The following CHD2 variants were observed in gnomAD, a reference collection of about 807,000 sequenced individuals.
CHD2 encodes chromodomain helicase DNA binding protein 2.
Under a neutral mutation model 243.9 loss-of-function variants are expected in CHD2, and 28 were observed. The observed-to-expected ratio is 0.11, with a 90% confidence interval of 0.09 to 0.16. CHD2 has a LOEUF of 0.16. Ranked by LOEUF, CHD2 falls within the 10% of genes least tolerant of loss-of-function variation. The pLI is 1.00. For missense variants in CHD2, 1,386 were observed against 2,209.8 expected (o/e 0.63, Z 7.47); for synonymous variants, 775 against 779.0 (o/e 0.99, Z 0.09).
chr15:92,940,948 AATAT>A (rs1596394346), intron 7 of CHD2, among the ~76,000 whole-genome samples: 2 of 130,004 alleles, frequency 1.5e-5, no homozygotes, highest in Non-Finnish European at 3.1e-5. Context: ...AATATATATA[AATAT>A]AAATATATAT....
chr15:92,993,725 T>C (rs1487829973), intron 28 of CHD2, among the ~76,000 whole-genome samples: 1 of 152,180 alleles, frequency 6.6e-6, no homozygotes, highest in African/African-American at 2.4e-5. Context: ...AGAGGATCAC[T>C]TGAGCCCAGG....
chr15:92,951,005 GAC>G (rs1349472529), intron 13 of CHD2, among the ~76,000 whole-genome samples: 1 of 152,018 alleles, frequency 6.6e-6, no homozygotes, highest in Non-Finnish European at 1.5e-5. Context: ...AGGTTAGTGG[GAC>G]CTAATTCATC....
chr15:92,970,359 G>A (rs775788166), intron 17 of CHD2, among the ~76,000 whole-genome samples: 1 of 151,966 alleles, frequency 6.6e-6, no homozygotes, highest in South Asian at 2.1e-4. Flanking sequence ...GCACCAGTAC[G>A]CCCAGCTAAT....
chr15:93,002,992 A>G (rs1283466398), intron 33 of CHD2, among the ~76,000 whole-genome samples: 2 of 152,242 alleles, frequency 1.3e-5, no homozygotes, highest in Non-Finnish European at 2.9e-5. Flanking sequence ...CAAATATAAA[A>G]ATCAGATTAG....
Position 93,020,129 on chromosome 15 carries a change from A to G in CHD2, c.5024A>G (p.Tyr1675Cys). 1 of 1,614,122 alleles carries G rather than the reference A, an allele frequency of 6.2e-7. No homozygotes were observed. Among genetic ancestry groups the G allele is most frequent in the Non-Finnish European group, 8.5e-7 (1 of 1,180,022 alleles). ...YEQHWYKDHH[Y>C]GDRRHMDAHR... ...CAGCACTGGTACAAGGACCACCATT[A>G]TGGGGACCGGCGACATATGGATGCC... is the stretch of plus-strand genomic sequence containing the variant. Residue 1675 changes from tyrosine to cysteine, a missense_variant, in exon 38 of 39, where the codon TAT becomes TGT. By Grantham distance (194) the Tyr-to-Cys change is radical (BLOSUM62 -2). Coordinates refer to ENST00000394196, the MANE Select transcript of CHD2 (RefSeq NM_001271.4).
chr15:93,000,638 A>C lies in CHD2; in HGVS notation c.4135A>C (p.Lys1379Gln), dbSNP rs774998190. The C allele has an allele frequency of 2.5e-6, 4 of 1,610,538 alleles. No individual in the cohort carries two copies. In the South Asian group the frequency reaches 4.4e-5, roughly 18 times the overall value. Reference protein sequence around the residue: ...SDNPSEEGEVKDDGLEKSPMK... With the variant: ...SDNPSEEGEVQDDGLEKSPMK... ...TAATCCATCAGAAGAGGGAGAAGTG[A>C]AAGTATGAAGTGGGGTTTCGGTTGA... is the stretch of plus-strand genomic sequence containing the variant. Residue 1379 changes from lysine (K) to glutamine (Q), a missense_variant and splice_region_variant, in exon 32 of 39, where the codon AAA becomes CAA. Coordinates refer to ENST00000394196, the MANE Select transcript of CHD2 (RefSeq NM_001271.4).
chr15:92,985,189 G>T (rs950320172), intron 25 of CHD2, among the ~76,000 whole-genome samples: 5 of 152,094 alleles, frequency 3.3e-5, no homozygotes, highest in Non-Finnish European at 5.9e-5. Flanking sequence ...GAAAATAAAG[G>T]CACAAAGAGT....
chr15:92,909,486 G>A (rs1463705526), intron 2 of CHD2, among the ~76,000 whole-genome samples: 4 of 152,134 alleles, frequency 2.6e-5, no homozygotes, highest in Admixed American at 2.6e-4. Flanking sequence ...TTTTGTTGTT[G>A]TTGGGACAGA....
chr15:92,929,376 A>AT (rs1031869661), intron 5 of CHD2, among the ~76,000 whole-genome samples: 1 of 152,098 alleles, frequency 6.6e-6, no homozygotes, highest in Non-Finnish European at 1.5e-5. Context: ...TAGCCCATTG[A>AT]TTTTTTTCAG....
chr15:92,987,728 G>A (rs1254585870), intron 26 of CHD2, among the ~76,000 whole-genome samples: 1 of 150,882 alleles, frequency 6.6e-6, no homozygotes, highest in Non-Finnish European at 1.5e-5. Context: ...TTATTATAAA[G>A]TAGGAATTAT....
At chr15:92,941,708 CAACATGCTTTTGGAACCA>C in intron 7 of CHD2, 96 bp from the exon 8 acceptor site, 1 of 1,083,154 alleles carries the variant, frequency 9.2e-7, no homozygotes, top group Non-Finnish European at 1.3e-6. Context: ...ATCTATAAAA[CAACATGCTTTTGGAACCA>C]AAAGGGTATG....
intron 16 of CHD2, among the ~76,000 whole-genome samples, chr15:92,959,316 G>A (rs1231814487): frequency 1.3e-5 from 2 of 152,172 alleles, no homozygotes; most frequent in African/African-American, 2.4e-5. Flanking sequence ...AGTATCACTT[G>A]TTGAAAAGAA....
chr15:92,954,087 A>G (rs956576157), intron 14 of CHD2: 1 of 153,874 alleles, frequency 6.5e-6, no homozygotes, highest in Non-Finnish European at 1.4e-5. Flanking sequence ...TTTGGGCATC[A>G]TGAATTTAGA....
intron 2 of CHD2, among the ~76,000 whole-genome samples, chr15:92,915,724 T>C (rs2052821785): frequency 1.3e-5 from 2 of 152,318 alleles, no homozygotes; most frequent in Non-Finnish European, 2.9e-5. Context: ...TTTTTGATAT[T>C]GTGAAAGGAA....
chr15:92,945,203 T>C (rs973344004), intron 10 of CHD2: 1 of 152,276 alleles, frequency 6.6e-6, no homozygotes, highest in Non-Finnish European at 1.5e-5. Flanking sequence ...ATCTGTGAAT[T>C]TGGCACTGGC....
intron 2 of CHD2, chr15:92,902,902 T>C (rs760519301): frequency 6.6e-6 from 1 of 152,200 alleles, no homozygotes; most frequent in African/African-American, 2.4e-5. Context: ...TTCTAAAAAA[T>C]TGAGCAGTGT....
intron 13 of CHD2, among the ~76,000 whole-genome samples, chr15:92,949,427 A>G (rs1048894095): frequency 5.3e-5 from 8 of 152,184 alleles, no homozygotes; most frequent in African/African-American, 1.7e-4. Context: ...AAAGAAGAAG[A>G]TGTCTTTTTC....
intron 27 of CHD2, among the ~76,000 whole-genome samples, chr15:92,992,467 A>T (rs192225335): frequency 2.6e-5 from 4 of 152,336 alleles, no homozygotes; most frequent in Admixed American, 2.0e-4. Flanking sequence ...TTCTAGGAGC[A>T]TTGCAGTGAA....
Position 92,985,548 on chromosome 15 carries a change from G to A in CHD2, c.3288G>A (p.Gln1096=). Reference sequence around the variant, plus strand: ...ACACTGAGTCTAAGAGGCAGGCCCAGAGATCCTCTGCTTCTGAGAGTGAAA... The same window carrying A: ...ACACTGAGTCTAAGAGGCAGGCCCAAAGATCCTCTGCTTCTGAGAGTGAAA... The part of the protein sequence containing the change: ...DSDTESKRQA[Q]RSSASESETE... Residue 1096 remains glutamine, a synonymous_variant, in exon 26 of 39, where the codon CAG becomes CAA. Coordinates refer to ENST00000394196, the MANE Select transcript of CHD2 (RefSeq NM_001271.4). 1 of 1,614,126 alleles carries A rather than the reference G, an allele frequency of 6.2e-7. No individual in the cohort carries two copies. The highest frequency in any genetic ancestry group is 8.5e-7 in the Non-Finnish European group (1 of 1,180,002).
Sources: allele counts gnomAD v4.1 joint callset (sites outside exome capture counted in the v4.1 genomes callset), GRCh38; gene constraint gnomAD v4.1.1; transcripts MANE v1.5; gene names NCBI Gene and HGNC (gene_info 2026-07-23, HGNC 2026-07-21).